Variants in YLPM1 observed in about 807,000 individuals in gnomAD.
The protein encoded by YLPM1 is YLP motif-containing protein 1.
In YLPM1, 99 loss-of-function variants were observed where a neutral mutation model predicts 230.0. The observed-to-expected ratio is 0.43, with a 90% confidence interval of 0.37 to 0.51. The LOEUF (loss-of-function observed/expected upper bound fraction) is 0.51, where lower values mean the gene tolerates loss of function less well. Ranked by LOEUF, YLPM1 falls within the 20% of genes least tolerant of loss-of-function variation. The pLI is 0.00. For missense variants in YLPM1, 2,592 were observed against 2,707.7 expected (o/e 0.96, Z 0.95); for synonymous variants, 984 against 942.5 (o/e 1.04, Z -0.81).
rs747075457 is a variant in YLPM1, at chr14:74,781,903, C to T, written c.1860C>T (p.Pro620=). 7.4e-6 allele frequency: 12 copies of T among 1,613,646 alleles called. No individual in the cohort carries two copies. Among genetic ancestry groups the T allele is most frequent in the African/African-American group, 5.3e-5 (4 of 74,828 alleles). The part of the protein sequence containing the change: ...LSSTAPPPVM[P]LPPLSSATPP... ...CAACAGCACCTCCACCTGTCATGCC[C>T]CTCCCACCATTGTCTTCAGCTACAC... is the stretch of plus-strand genomic sequence containing the variant. Residue 620 remains proline, a synonymous_variant, in exon 4 of 21, where the codon CCC becomes CCT. Transcript: ENST00000325680.
At chr14:74,818,046 A>G (rs1449613216) in intron 15 of YLPM1, among the ~76,000 whole-genome samples, 185 bp from the exon 16 acceptor site, 1 of 148,644 alleles carries the variant, frequency 6.7e-6, no homozygotes, top group South Asian at 2.3e-4. Flanking sequence ...ACAGACCGAG[A>G]TTCTGTCTCA....
chr14:74,827,272 T>G (rs1460073684), intron 18 of YLPM1: 13 of 873,552 alleles, frequency 1.5e-5, no homozygotes, highest in Middle Eastern at 5.7e-4. Context: ...CTGAAAATCA[T>G]TAGTGTGCAT....
chr14:74,806,343 C>A (rs2091378205), intron 6 of YLPM1, among the ~76,000 whole-genome samples: 1 of 150,902 alleles, frequency 6.6e-6, no homozygotes, highest in Non-Finnish European at 1.5e-5. Context: ...GGTGACAGAT[C>A]AAGACTCTGT....
Position 74,764,115 on chromosome 14 carries a change from C to T in YLPM1, c.626C>T (p.Ser209Phe), listed in dbSNP as rs2090884162. 1.9e-6 allele frequency: 3 copies of T among 1,613,414 alleles called. No individual in the cohort carries two copies. The highest frequency in any genetic ancestry group is 1.1e-5 in the South Asian group (1 of 91,052). ...CTGGCGCCCACCCCTTCTTACTCAT[C>T]CTCCTCCTCTTCCTCGCAATCCTAT... ...SYLAPTPSYS[S>F]SSSSSQSYLS... Residue 209 changes from serine to phenylalanine, a missense_variant, in exon 1 of 21, where the codon TCC (serine) becomes TTC (phenylalanine). Physicochemically the swap from Ser to Phe is radical, Grantham distance 155. This residue lies in a region of YLPM1 where 1,862 missense variants were observed against 1,819.8 expected (regional missense o/e 1.02). Transcript: ENST00000325680.
chr14:74,805,894 T>G (rs575043662), intron 6 of YLPM1, among the ~76,000 whole-genome samples: 11 of 148,174 alleles, frequency 7.4e-5, no homozygotes, highest in South Asian at 2.1e-4. Context: ...TTAATAGAGA[T>G]AGGGTTTCAC....
Position 74,816,213 on chromosome 14 carries a change from T to C in YLPM1, c.5513T>C (p.Ile1838Thr), listed in dbSNP as rs1311771446. 3.1e-6 allele frequency: 5 copies of C among 1,608,182 alleles called. No individual in the cohort carries two copies. Among genetic ancestry groups the C allele is most frequent in the African/African-American group, 1.3e-5 (1 of 74,726 alleles). The part of the protein sequence containing the change: ...RESRPERIVV[I>T]MRGLPGSGKT... The stretch of plus-strand genomic sequence containing the variant: ...TCTATTCTGTTTCAGATTGTTGTTA[T>C]AATGAGAGGATTACCTGGCAGTGGA... Residue 1838 changes from isoleucine (I) to threonine (T), a missense_variant, in exon 12 of 21, where the codon ATA (isoleucine) becomes ACA (threonine). Ile to Thr is a moderately conservative substitution (Grantham distance 89, BLOSUM62 -1). Coordinates refer to ENST00000325680, the MANE Select transcript of YLPM1 (RefSeq NM_019589.3).
At chr14:74,814,136 C>T (rs1282560485) in intron 11 of YLPM1, among the ~76,000 whole-genome samples, 10 of 152,062 alleles carry the variant, frequency 6.6e-5, no homozygotes, top group Non-Finnish European at 7.4e-5. Flanking sequence ...CTGAGATGGG[C>T]GGATCATGAG....
chr14:74,828,726 G>A (rs2091585946), intron 18 of YLPM1, among the ~76,000 whole-genome samples: 1 of 151,930 alleles, frequency 6.6e-6, no homozygotes, highest in Non-Finnish European at 1.5e-5. Context: ...AAAAAAAAAT[G>A]TTCATCTAAA....
At chr14:74,797,498 A>G (rs1049249639) in intron 4 of YLPM1, 82 bp from the exon 5 acceptor site, 5 of 1,165,310 alleles carry the variant, frequency 4.3e-6, no homozygotes, top group Non-Finnish European at 5.8e-6. Context: ...TTCTAAGGCA[A>G]GAGTGCCTTA....
Position 74,778,555 on chromosome 14 carries a change from G to C in YLPM1, c.982G>C (p.Glu328Gln). ...TCCTGTGGTAGCAAAGGATACACCA[G>C]AGCCGGTAAAAGAAGAAGTTACAGT... ...KGPVVAKDTP[E>Q]PVKEEVTVPA... The change falls in exon 2 of 21, where the codon GAG (glutamate) becomes CAG (glutamine). Residue 328 changes from glutamate (E) to glutamine (Q), a missense_variant. Transcript: ENST00000325680. 1 of 1,606,698 alleles carries C rather than the reference G, an allele frequency of 6.2e-7. No homozygotes were observed. The highest frequency in any genetic ancestry group is 8.5e-7 in the Non-Finnish European group (1 of 1,176,630).
intron 1 of YLPM1, among the ~76,000 whole-genome samples, chr14:74,768,652 A>G (rs2090938909): frequency 1.3e-5 from 2 of 152,216 alleles, no homozygotes. Context: ...CATTTATTTA[A>G]TGTTTAAATA....
rs1367410565 is a variant in YLPM1 at position 74,763,916 on chromosome 14, C to T, written c.427C>T (p.Leu143=). ...GCCTCCTGGTTTGGTTCCAATGGAG[C>T]TGGAATCCCCCCCTGAATCTCCCCC... ...DGPPGLVPME[L]ESPPESPPVP... The change falls in exon 1 of 21, where the codon CTG becomes TTG. Residue 143 remains leucine (L), a synonymous_variant. Coordinates refer to ENST00000325680, the MANE Select transcript of YLPM1 (RefSeq NM_019589.3). 4 of 1,546,466 alleles carry T rather than the reference C, an allele frequency of 2.6e-6. No individual in the cohort carries two copies. The highest frequency in any genetic ancestry group is 3.5e-6 in the Non-Finnish European group (4 of 1,151,218).
chr14:74,788,121 T>C (rs987531525), intron 4 of YLPM1, among the ~76,000 whole-genome samples: 61 of 152,070 alleles, frequency 4.0e-4, no homozygotes, highest in African/African-American at 1.2e-3. Flanking sequence ...CATACCCTTT[T>C]TTTTTTTCTT....
At chr14:74,816,006 T>A (rs1198443146) in intron 11 of YLPM1, among the ~76,000 whole-genome samples, 197 bp from the exon 12 acceptor site, 1 of 152,208 alleles carries the variant, frequency 6.6e-6, no homozygotes, top group Non-Finnish European at 1.5e-5. Context: ...TTTCTTACTA[T>A]TAATTTCTAA....
intron 16 of YLPM1, among the ~76,000 whole-genome samples, chr14:74,819,080 T>G (rs1039937988): frequency 6.6e-6 from 1 of 152,210 alleles, no homozygotes; most frequent in African/African-American, 2.4e-5. Flanking sequence ...ATCAAATTTT[T>G]CTACCTTTTT....
At chr14:74,803,781 C>T (rs965205882) in intron 6 of YLPM1, among the ~76,000 whole-genome samples, 7 of 152,170 alleles carry the variant, frequency 4.6e-5, no homozygotes, top group African/African-American at 1.7e-4. Flanking sequence ...ATTGATTTTA[C>T]CTCCTTTGAA....
chr14:74,772,765 G>T (rs2090991717), intron 1 of YLPM1, among the ~76,000 whole-genome samples: 1 of 152,106 alleles, frequency 6.6e-6, no homozygotes, highest in South Asian at 2.1e-4. Flanking sequence ...ATATGAAATG[G>T]AGTTATCTGA....
intron 6 of YLPM1, among the ~76,000 whole-genome samples, chr14:74,803,606 G>A (rs976460205): frequency 2.0e-5 from 3 of 152,298 alleles, no homozygotes; most frequent in African/African-American, 7.2e-5. Flanking sequence ...GTTTCTGTCT[G>A]TGGATGTGAC....
chr14:74,779,936 T>A (rs1333842253), intron 2 of YLPM1, among the ~76,000 whole-genome samples: 1 of 151,818 alleles, frequency 6.6e-6, no homozygotes, highest in East Asian at 1.9e-4. Context: ...CCCAAGTAGG[T>A]GAGATTACAG....
Sources: allele counts gnomAD v4.1 joint callset (sites outside exome capture counted in the v4.1 genomes callset), GRCh38; gene constraint gnomAD v4.1.1; regional missense constraint gnomAD v4.1.1; transcripts MANE v1.5; gene names NCBI Gene and HGNC (gene_info 2026-07-23, HGNC 2026-07-21).